CAPRIN2: variants seen among roughly 807,000 people sequenced by gnomAD.
CAPRIN2 encodes caprin-2.
Under a neutral mutation model 130.4 loss-of-function variants are expected in CAPRIN2, and 66 were observed. That is an observed-to-expected ratio of 0.51 (90% CI 0.42 to 0.62). CAPRIN2 has a LOEUF of 0.62. Among genes scored for constraint, CAPRIN2 ranks in the 20% least tolerant of loss-of-function variants. The pLI, the probability that CAPRIN2 is intolerant of heterozygous loss-of-function variation, is 0.00. For synonymous variants in CAPRIN2, 471 were observed against 444.1 expected, an observed-to-expected ratio of 1.06 and a Z score of -0.76; for missense variants, 1,185 against 1,246.6, an observed-to-expected ratio of 0.95 and a Z score of 0.74.
intron 2 of CAPRIN2, among the ~76,000 whole-genome samples, chr12:30,748,905 G>C (rs1046459711): frequency 6.6e-6 from 1 of 152,228 alleles, no homozygotes; most frequent in South Asian, 2.1e-4. Context: ...TACTTTCATG[G>C]AACTTACATT....
Position 30,710,527 on chromosome 12 carries a change from T to C in CAPRIN2, c.2666-57A>G. On this transcript the variant is annotated intron_variant, in intron 16 of 16. Transcript: ENST00000298892. The surrounding 1 kb of genome is among the most constrained non-coding windows in gnomAD (Gnocchi z 4.8). ...ATGAAGCAGTTAGCTTTGAACACAA[T>C]ATTTAACATTAGTCGGCTACTGAAA... is the stretch of plus-strand genomic sequence containing the variant. The C allele has an allele frequency of 1.9e-6, 3 of 1,602,286 alleles. No homozygotes were observed. The highest frequency in any genetic ancestry group is 2.6e-6 in the Non-Finnish European group (3 of 1,175,014).
exon 8 of CAPRIN2, chr12:30,728,852 G>C: frequency 6.2e-7 from 1 of 1,614,074 alleles, no homozygotes; most frequent in Non-Finnish European, 8.5e-7. Flanking sequence ...TCCATGACTT[G>C]GTGGTGTTCT....
intron 2 of CAPRIN2, among the ~76,000 whole-genome samples, chr12:30,747,511 C>T (rs577535965): frequency 1.3e-5 from 2 of 152,214 alleles, no homozygotes; most frequent in East Asian, 3.9e-4. Context: ...AACCCCATCT[C>T]CACTAAAAAC....
At chr12:30,745,717 CA>C (rs571828529) in intron 2 of CAPRIN2, among the ~76,000 whole-genome samples, 2 of 150,822 alleles carry the variant, frequency 1.3e-5, no homozygotes, top group African/African-American at 2.4e-5. Context: ...TAACCAAAAA[CA>C]AAAAAGCAGA....
intron 1 of CAPRIN2, 92 bp downstream of exon 2, chr12:30,753,252 T>C: frequency 9.5e-7 from 1 of 1,055,548 alleles, no homozygotes; most frequent in East Asian, 2.4e-5. Flanking sequence ...GTTAAATTTT[T>C]AGTAGAGAAC....
intron 8 of CAPRIN2, among the ~76,000 whole-genome samples, chr12:30,727,083 C>G (rs1227023057): frequency 6.6e-6 from 1 of 152,132 alleles, no homozygotes; most frequent in Non-Finnish European, 1.5e-5. Context: ...TGCAATTCAT[C>G]AAATAGCATG....
intron 8 of CAPRIN2, among the ~76,000 whole-genome samples, chr12:30,727,727 C>T (rs1592086066): frequency 6.6e-6 from 1 of 152,306 alleles, no homozygotes; most frequent in East Asian, 1.9e-4. Flanking sequence ...TTAACTGAAT[C>T]TTGTTCTCCA....
At chr12:30,739,287 G>A (rs572955691) in intron 3 of CAPRIN2, among the ~76,000 whole-genome samples, 3 of 152,288 alleles carry the variant, frequency 2.0e-5, no homozygotes, top group East Asian at 1.9e-4. Flanking sequence ...ATTATCCTTC[G>A]CAAGCTAACA....
exon 17 of CAPRIN2, chr12:30,709,912 T>A (rs1463736781): frequency 3.7e-6 from 6 of 1,605,864 alleles, no homozygotes; most frequent in Non-Finnish European, 5.1e-6. Context: ...TCAATCTTGA[T>A]AAAGAAGATA....
chr12:30,716,718 A>G (rs761401902), intron 12 of CAPRIN2, 42 bp from the exon 15 acceptor site: 3 of 1,586,372 alleles, frequency 1.9e-6, no homozygotes, highest in Non-Finnish European at 2.6e-6. Context: ...GGAAGTTTCA[A>G]AGAAAATGCT....
chr12:30,739,952 G>A (rs969958931), intron 3 of CAPRIN2, among the ~76,000 whole-genome samples: 2 of 152,188 alleles, frequency 1.3e-5, no homozygotes, highest in Non-Finnish European at 2.9e-5. Context: ...GGGTAACTCT[G>A]AGTAAAGACA....
rs10771762 is a variant in CAPRIN2, at chr12:30,740,941, T to C, written c.570+79A>G. ...AAGAATAATAACCAAACACCATTACTAGACACTGACACACTGACATTTTCT... is the reference window on the plus strand; with the variant it reads ...AAGAATAATAACCAAACACCATTACCAGACACTGACACACTGACATTTTCT... On this transcript the variant is annotated intron_variant, in intron 3 of 16. Transcript: ENST00000298892. 184,705 of 810,450 alleles carry C rather than the reference T, an allele frequency of 0.23. 23,096 individuals carry two copies. Among genetic ancestry groups the C allele is most frequent in the East Asian group, 0.33 (12,888 of 39,418 alleles). 50.2% of individuals were successfully genotyped at this position (810,450 alleles called of 1,614,324 possible). A position where few individuals can be genotyped will look rare whatever the true frequency, so the allele number is the denominator to read the frequency against.
At chr12:30,748,728 GGT>G (rs1212489054) in intron 2 of CAPRIN2, among the ~76,000 whole-genome samples, 1 of 151,884 alleles carries the variant, frequency 6.6e-6, no homozygotes, top group East Asian at 1.9e-4. Flanking sequence ...GCATGTATGA[GGT>G]GTGATTTCTC....
At chr12:30,728,883 G>A (rs1345423693) in exon 8 of CAPRIN2, 2 of 1,614,148 alleles carry the variant, frequency 1.2e-6, no homozygotes, top group Non-Finnish European at 8.5e-7. Context: ...CATGGAAGGT[G>A]TCCAAGACTT....
exon 1 of CAPRIN2, chr12:30,753,842 T>C (rs937029903): frequency 5.6e-6 from 8 of 1,417,300 alleles, no homozygotes; most frequent in Admixed American, 2.3e-5. Flanking sequence ...ACGGAGGATG[T>C]TTCCAGAAAT....
intron 1 of CAPRIN2, chr12:30,751,794 C>T (rs2882959): frequency 4.6e-5 from 1 of 21,520 alleles, no homozygotes; most frequent in Non-Finnish European, 9.7e-5. Context: ...CTATCATTAT[C>T]ATAGAGTAGG....
exon 1 of CAPRIN2, chr12:30,753,492 T>C (rs2074967577): frequency 1.9e-6 from 3 of 1,614,088 alleles, no homozygotes. Context: ...ATGCTGACTG[T>C]GGTTCACTTG....
In CAPRIN2 at chr12:30,753,331, GAA is replaced by G. The variant is rs752822721; in HGVS notation, c.420+11_420+12del. 6.3e-7 allele frequency: 1 copy of G among 1,595,550 alleles called. No individual in the cohort carries two copies. The highest frequency in any genetic ancestry group is 1.3e-5 in the African/African-American group (1 of 74,254). On this transcript the variant is annotated intron_variant, in intron 1 of 16. Transcript: ENST00000298892. Reference sequence around the variant, plus strand: ...AGATCATGCATCTACAGGACTGGAAGAAAAAAAGTTACCTTCTTTTTCTCGAT... The same window carrying G: ...AGATCATGCATCTACAGGACTGGAAGAAAAAGTTACCTTCTTTTTCTCGAT...
exon 8 of CAPRIN2, chr12:30,729,313 G>T (rs767441129): frequency 6.4e-7 from 1 of 1,557,050 alleles, no homozygotes; most frequent in African/African-American, 1.4e-5. Context: ...GTCATATAGC[G>T]TCTGTTAAGA....
Sources: gnomAD v4.1 joint callset for allele counts (sites outside exome capture counted in the v4.1 genomes callset) on GRCh38, gnomAD v4.1.1 for gene constraint, Gnocchi (gnomAD v3.1) non-coding constraint, MANE v1.5 for transcripts, NCBI Gene and HGNC (gene_info 2026-07-23, HGNC 2026-07-21) for gene names.